SCD: variants seen among roughly 807,000 people sequenced by gnomAD.
SCD encodes the protein stearoyl-CoA desaturase, also known as acyl-CoA desaturase.
Under a neutral mutation model 35.7 loss-of-function variants are expected in SCD, and 4 were observed. The ratio of observed to expected loss-of-function variants is 0.11; its 90% CI spans 0.06 to 0.26. SCD has a LOEUF of 0.26. SCD is among the 10% of genes least tolerant of loss of function. The pLI, the probability that SCD is intolerant of heterozygous loss-of-function variation, is 1.00. For synonymous variants in SCD, 150 were observed against 170.2 expected (o/e 0.88, Z 0.92); for missense variants, 282 against 460.7 (o/e 0.61, Z 3.55).
rs1251206355 is a variant in SCD, at chr10:100,361,089, C to CCAAG, written c.*159_*160insGCAA. The stretch of plus-strand genomic sequence containing the variant: ...TTTTAAAATTCAAAAGTATTGAAAG[C>CCAAG]CAACAACTCTGCCTTTATGATGCTA... On this transcript the variant is annotated 3_prime_UTR_variant, in exon 6 of 6. Transcript: ENST00000370355. The CCAAG allele has an allele frequency of 2.9e-4, 189 of 653,484 alleles. 2 individuals are homozygous for CCAAG. In the East Asian group the frequency reaches 5.0e-3, roughly 17 times the overall value. The allele number at this position is 653,484 out of a possible 1,614,324, so 40.5% of individuals were successfully genotyped here. A position where few individuals can be genotyped will look rare whatever the true frequency, so the allele number is the denominator to read the frequency against.
At chr10:100,360,697 T>C (rs1304276490) in intron 5 of SCD, 37 bp from the exon 6 acceptor site, 3 of 1,595,944 alleles carry the variant, frequency 1.9e-6, no homozygotes, top group Non-Finnish European at 2.6e-6. Flanking sequence ...AAAACCTCAA[T>C]GCACCGTCAC....
intron 2 of SCD, among the ~76,000 whole-genome samples, chr10:100,351,347 GC>G (rs3842637): frequency 0.53 from 80,149 of 151,744 alleles, 21,352 homozygotes; most frequent in South Asian, 0.6. Context: ...AGAGAGCGTT[GC>G]CCGGTGAGAG....
Position 100,361,892 on chromosome 10 carries a change from C to G in SCD, c.*959C>G, listed in dbSNP as rs893507757. ...TGCTCATTACAGTTCTTTCCTCTTTCTGCTCTGCCATCTTCAGGATATTGG... is the reference window on the plus strand; with the variant it reads ...TGCTCATTACAGTTCTTTCCTCTTTGTGCTCTGCCATCTTCAGGATATTGG... On this transcript the variant is annotated 3_prime_UTR_variant, in exon 6 of 6. Transcript: ENST00000370355. 3.3e-5 allele frequency: 5 copies of G among 152,136 alleles called. No individual in the cohort carries two copies. The highest frequency in any genetic ancestry group is 5.9e-5 in the Non-Finnish European group (4 of 68,036). 9.4% of individuals were successfully genotyped at this position (152,136 alleles called of 1,614,324 possible).
At chr10:100,353,871 T>C (rs1026988793) in intron 3 of SCD, among the ~76,000 whole-genome samples, 1 of 152,214 alleles carries the variant, frequency 6.6e-6, no homozygotes, top group African/African-American at 2.4e-5. Context: ...CTTTAAGGGA[T>C]GGAAAAAGTC....
At position 100,362,414 on chromosome 10, in the gene SCD, T is replaced by C. The variant is rs1849998586; in HGVS notation, c.*1481T>C. 2.6e-5 allele frequency: 4 copies of C among 152,204 alleles called. No individual in the cohort carries two copies. The highest frequency in any genetic ancestry group is 9.6e-5 in the African/African-American group (4 of 41,456). The allele number at this position is 152,204 out of a possible 1,614,324, so 9.4% of individuals were successfully genotyped here. ...GAGGAGAAGGGGGTCTCTGTTAACA[T>C]CTAGCCTAAAGTATACAACTGCCTG... On this transcript the variant is annotated 3_prime_UTR_variant, in exon 6 of 6. Transcript: ENST00000370355.
In SCD at chr10:100,363,917, TC is replaced by T. The variant is rs1850014930; in HGVS notation, c.*2987del. ...GTGTTGCATATGAGCCTGCCCTCACTCCCTCTGCAGAATCCCTTTGCACCTG... is the reference window on the plus strand; with the variant it reads ...GTGTTGCATATGAGCCTGCCCTCACTCCTCTGCAGAATCCCTTTGCACCTG... On this transcript the variant is annotated 3_prime_UTR_variant, in exon 6 of 6. Transcript: ENST00000370355. 6.6e-6 allele frequency: 1 copy of T among 152,540 alleles called. No homozygotes were observed. The highest frequency in any genetic ancestry group is 6.6e-5 in the Admixed American group (1 of 15,260). 9.4% of individuals were successfully genotyped at this position (152,540 alleles called of 1,614,324 possible). A position where few individuals can be genotyped will look rare whatever the true frequency, so the allele number is the denominator to read the frequency against.
rs1850020341 is a variant in SCD at position 100,364,405 on chromosome 10, G to A, written c.*3472G>A. On this transcript the variant is annotated 3_prime_UTR_variant, in exon 6 of 6. Transcript: ENST00000370355. ...GATAATAATACTGACCTACCTCAAA[G>A]GGCAGTTTTGAGGCATGACTAATGC... The A allele has an allele frequency of 6.6e-6, 1 of 152,556 alleles. No homozygotes were observed. The highest frequency in any genetic ancestry group is 2.4e-5 in the African/African-American group (1 of 41,416). The allele number at this position is 152,556 out of a possible 1,614,324, so 9.5% of individuals were successfully genotyped here.
rs751973802 is a variant in SCD at position 100,348,069 on chromosome 10, T to C, written c.33T>C (p.Ser11=). The C allele has an allele frequency of 3.7e-6, 6 of 1,613,100 alleles. No homozygotes were observed. The African/African-American group carries it at 8.0e-5, about 22-fold the overall frequency. MPAHLLQDDI[S]SSYTTTTTIT... The stretch of plus-strand genomic sequence containing the variant: ...CCTCTTCCTCCCCCTTCCAGATCTC[T>C]AGCTCCTATACCACCACCACCACCA... Residue 11 remains serine, a synonymous_variant, in exon 2 of 6, where the codon TCT becomes TCC. Coordinates refer to ENST00000370355, the MANE Select transcript of SCD (RefSeq NM_005063.5).
rs202069130 is a variant in SCD at position 100,360,700 on chromosome 10, A to C, written c.881-34A>C. On this transcript the variant is annotated intron_variant, in intron 5 of 5. Transcript: ENST00000370355. ...GCACAAATCAAGAAAACCTCAATGC[A>C]CCGTCACTCCATAACTTCTCGCTTT... is the stretch of plus-strand genomic sequence containing the variant. 488 of 1,601,344 alleles carry C rather than the reference A, an allele frequency of 3.0e-4. 3 individuals are homozygous for C. In the African/African-American group the frequency reaches 5.9e-3, roughly 19 times the overall value.
In SCD at chr10:100,362,309, A is replaced by T. The variant is rs1849997372; in HGVS notation, c.*1376A>T. On this transcript the variant is annotated 3_prime_UTR_variant, in exon 6 of 6. Transcript: ENST00000370355. ...TAGATATTAGGTCCATTCATTAATT[A>T]GTTCCAGTTTCTCCTTGAAATGAGT... The T allele has an allele frequency of 6.6e-6, 1 of 152,212 alleles. No homozygotes were observed. Among genetic ancestry groups the T allele is most frequent in the Non-Finnish European group, 1.5e-5 (1 of 68,044 alleles). 9.4% of individuals were successfully genotyped at this position (152,212 alleles called of 1,614,324 possible).
chr10:100,357,547 A>G (rs377262965), intron 5 of SCD, among the ~76,000 whole-genome samples: 1 of 152,120 alleles, frequency 6.6e-6, no homozygotes, highest in African/African-American at 2.4e-5. Context: ...TTCCCCCAAC[A>G]TGCCTTCAGG....
At position 100,354,432 on chromosome 10, in the gene SCD, T is replaced by C; in HGVS notation, c.447T>C (p.Asp149=). The change falls in exon 4 of 6, where the codon GAT becomes GAC. Residue 149 remains aspartate (D), a synonymous_variant. Coordinates refer to ENST00000370355, the MANE Select transcript of SCD (RefSeq NM_005063.5). ...CCTCTTCTCTCTCTCCCCAGAATGATGTCTATGAATGGGCTCGTGACCACC... is the reference window on the plus strand; with the variant it reads ...CCTCTTCTCTCTCTCCCCAGAATGACGTCTATGAATGGGCTCGTGACCACC... The part of the protein sequence containing the change: ...IIANTMAFQN[D]VYEWARDHRA... The C allele has an allele frequency of 6.2e-7, 1 of 1,613,438 alleles. No homozygotes were observed. Among genetic ancestry groups the C allele is most frequent in the East Asian group, 2.2e-5 (1 of 44,884 alleles).
In SCD at chr10:100,354,540, G is replaced by A. The variant is rs1849907284; in HGVS notation, c.555G>A (p.Leu185=). The A allele has an allele frequency of 1.5e-5, 24 of 1,614,022 alleles. No individual in the cohort carries two copies. The highest frequency in any genetic ancestry group is 4.5e-5 in the East Asian group (2 of 44,886). The change falls in exon 4 of 6, where the codon CTG becomes CTA. Residue 185 remains leucine (L), a synonymous_variant. Coordinates refer to ENST00000370355, the MANE Select transcript of SCD (RefSeq NM_005063.5). ...TTTTCTTCTCTCACGTGGGTTGGCT[G>A]CTTGTGCGCAAACACCCAGCTGTCA... is the stretch of plus-strand genomic sequence containing the variant. ...RGFFFSHVGW[L]LVRKHPAVKE...
At position 100,354,461 on chromosome 10, in the gene SCD, CCCA is replaced by C; in HGVS notation, c.481_483del (p.His161del). On this transcript the variant is annotated inframe_deletion, in exon 4 of 6. Coordinates refer to ENST00000370355, the MANE Select transcript of SCD (RefSeq NM_005063.5). ...TATGAATGGGCTCGTGACCACCGTG[CCCA>C]CCACAAGTTTTCAGAAACACATGCT... 6.2e-7 allele frequency: 1 copy of C among 1,613,906 alleles called. No homozygotes were observed. The highest frequency in any genetic ancestry group is 8.5e-7 in the Non-Finnish European group (1 of 1,179,828).
intron 1 of SCD, 97 bp downstream of exon 1, chr10:100,347,628 G>C: frequency 7.3e-7 from 1 of 1,365,630 alleles, no homozygotes; most frequent in Non-Finnish European, 1.0e-6. Flanking sequence ...AGAGCTCCGC[G>C]GAGGACTTGG....
In SCD at chr10:100,354,411, T is replaced by A; in HGVS notation, c.442-16T>A. 6.2e-7 allele frequency: 1 copy of A among 1,610,076 alleles called. No homozygotes were observed. The highest frequency in any genetic ancestry group is 1.1e-5 in the South Asian group (1 of 90,974). On this transcript the variant is annotated splice_polypyrimidine_tract_variant and intron_variant, in intron 3 of 5. Coordinates refer to ENST00000370355, the MANE Select transcript of SCD (RefSeq NM_005063.5). ...TCTATCCTCAAGCCTTACATTCCTC[T>A]TCTCTCTCTCCCCAGAATGATGTCT...
chr10:100,351,082 G>A (rs758327895), intron 2 of SCD, among the ~76,000 whole-genome samples: 1 of 152,230 alleles, frequency 6.6e-6, no homozygotes, highest in Non-Finnish European at 1.5e-5. Context: ...CTGCAACTAA[G>A]TTCTGTGGCC....
In SCD at chr10:100,364,166, A is replaced by T. The variant is rs1362804167; in HGVS notation, c.*3233A>T. ...AAGATGGTTGTAGCATTTAAAATGG[A>T]AAATTTTCTCCTTGGTTTGCTAGTA... On this transcript the variant is annotated 3_prime_UTR_variant, in exon 6 of 6. Transcript: ENST00000370355. 2.6e-5 allele frequency: 4 copies of T among 151,000 alleles called. No individual in the cohort carries two copies. The highest frequency in any genetic ancestry group is 9.7e-5 in the African/African-American group (4 of 41,066). 9.4% of individuals were successfully genotyped at this position (151,000 alleles called of 1,614,324 possible).
Position 100,348,318 on chromosome 10 carries a change from T to C in SCD, c.282T>C (p.Pro94=), listed in dbSNP as rs779885275. The change falls in exon 2 of 6, where the codon CCT becomes CCC. Residue 94 remains proline (P), a synonymous_variant. Coordinates refer to ENST00000370355, the MANE Select transcript of SCD (RefSeq NM_005063.5). Reference sequence around the variant, plus strand: ...CCCTGTATGGGATCACTTTGATTCCTACCTGCAAGTTCTACACCTGGCTTT... The same window carrying C: ...CCCTGTATGGGATCACTTTGATTCCCACCTGCAAGTTCTACACCTGGCTTT... ...LGALYGITLI[P]TCKFYTWLWG... 3 of 1,613,822 alleles carry C rather than the reference T, an allele frequency of 1.9e-6. No homozygotes were observed. The Admixed American group carries it at 5.0e-5, about 27-fold the overall frequency.
Sources: allele counts gnomAD v4.1 joint callset (sites outside exome capture counted in the v4.1 genomes callset), GRCh38; gene constraint gnomAD v4.1.1; transcripts MANE v1.5; gene names NCBI Gene and HGNC (gene_info 2026-07-23, HGNC 2026-07-21).